Variants in SSH1 observed in about 807,000 individuals in gnomAD.
The protein encoded by SSH1 is slingshot protein phosphatase 1.
A neutral mutation model predicts 79.7 loss-of-function variants in SSH1; 43 were observed. That is an observed-to-expected ratio of 0.54 (90% confidence interval 0.42 to 0.70). SSH1 has a LOEUF of 0.70. Among genes scored for constraint, SSH1 ranks in the 30% least tolerant of loss-of-function variants. SSH1 has a pLI of 0.00. For synonymous variants in SSH1, 599 were observed against 538.3 expected (o/e 1.11, Z -1.56); for missense variants, 1,206 against 1,358.8 (o/e 0.89, Z 1.77).
At chr12:108,827,983 A>G (rs2038371368) in intron 2 of SSH1, among the ~76,000 whole-genome samples, 1 of 152,222 alleles carries the variant, frequency 6.6e-6, no homozygotes. Context: ...GTCAGGCTGC[A>G]AAGGTCCTAA....
Position 108,787,901 on chromosome 12 carries a change from A to ATG in SSH1, c.*85_*86dup. On this transcript the variant is annotated 3_prime_UTR_variant, in exon 15 of 15. Transcript: ENST00000326495. ...CTTCACTCGTTTAAGGGAAATCAAGATGTAAGGGGTCGATCCAAATCCACA... is the reference window on the plus strand; with the variant it reads ...CTTCACTCGTTTAAGGGAAATCAAGATGTGTAAGGGGTCGATCCAAATCCACA... 7 of 1,536,124 alleles carry ATG rather than the reference A, an allele frequency of 4.6e-6. No individual in the cohort carries two copies. The highest frequency in any genetic ancestry group is 6.3e-6 in the Non-Finnish European group (7 of 1,115,200).
At chr12:108,811,824 G>A (rs1200585303) in intron 5 of SSH1, among the ~76,000 whole-genome samples, 2 of 152,154 alleles carry the variant, frequency 1.3e-5, no homozygotes, top group Non-Finnish European at 2.9e-5. Context: ...AAATGAGACC[G>A]AATGACTGCA....
At chr12:108,840,858 T>C (rs527538498) in intron 2 of SSH1, among the ~76,000 whole-genome samples, 3 of 152,360 alleles carry the variant, frequency 2.0e-5, no homozygotes, top group East Asian at 1.9e-4. Context: ...TTCCTCTCAG[T>C]AGCCCGGCTG....
Position 108,823,301 on chromosome 12 carries a change from G to C in SSH1, c.171C>G (p.Ser57Arg). 1 of 1,590,110 alleles carries C rather than the reference G, an allele frequency of 6.3e-7. No homozygotes were observed. Among genetic ancestry groups the C allele is most frequent in the Non-Finnish European group, 8.6e-7 (1 of 1,167,208 alleles). Residue 57 changes from serine (S) to arginine (R), a missense_variant, in exon 3 of 15, where the codon AGC becomes AGG. Ser to Arg is a moderately radical substitution (Grantham distance 110). Transcript: ENST00000326495. ...GAALFLQQGSSPQGQRSLQHP... is the reference protein window; with the variant it reads ...GAALFLQQGSRPQGQRSLQHP... ...GCTGAAGACTCCGCTGGCCTTGAGG[G>C]CTGCTTCCCTGTTGTAAGAAGAGGG...
intron 5 of SSH1, among the ~76,000 whole-genome samples, chr12:108,816,474 C>A (rs1252259445): frequency 6.6e-6 from 1 of 152,220 alleles, no homozygotes; most frequent in Non-Finnish European, 1.5e-5. Context: ...TCATTTCACA[C>A]GCATCTTGGG....
chr12:108,811,980 A>G (rs2037630719), intron 5 of SSH1, among the ~76,000 whole-genome samples: 1 of 152,160 alleles, frequency 6.6e-6, no homozygotes, highest in Non-Finnish European at 1.5e-5. Flanking sequence ...GGACCTCAGG[A>G]ATCTCATGCT....
intron 4 of SSH1, 89 bp from the exon 5 acceptor site, chr12:108,817,248 T>TTGA: frequency 1.9e-6 from 3 of 1,574,480 alleles, no homozygotes; most frequent in Non-Finnish European, 2.6e-6. Context: ...ACTTTCAGTG[T>TTGA]TCTACCTTTC....
rs2036161940 is a variant in SSH1, at chr12:108,782,588, C to T, written c.*5400G>A. On this transcript the variant is annotated 3_prime_UTR_variant, in exon 15 of 15. Coordinates refer to ENST00000326495, the MANE Select transcript of SSH1 (RefSeq NM_018984.4). ...CAAAGAACTGAGCATGTAATAGATGCTCAATAAAGACTGGCCATGTCAATG... is the reference window on the plus strand; with the variant it reads ...CAAAGAACTGAGCATGTAATAGATGTTCAATAAAGACTGGCCATGTCAATG... 6.6e-6 allele frequency: 1 copy of T among 152,096 alleles called. No individual in the cohort carries two copies. The highest frequency in any genetic ancestry group is 2.1e-4 in the South Asian group (1 of 4,824). 9.4% of individuals were successfully genotyped at this position (152,096 alleles called of 1,614,324 possible).
intron 2 of SSH1, among the ~76,000 whole-genome samples, chr12:108,831,914 A>C (rs1418529428): frequency 3.9e-5 from 6 of 152,262 alleles, no homozygotes; most frequent in Admixed American, 6.5e-5. Context: ...CCTAAGAAAC[A>C]AACCTCATGC....
At chr12:108,847,984 G>A (rs2038936884) in intron 2 of SSH1, among the ~76,000 whole-genome samples, 1 of 152,224 alleles carries the variant, frequency 6.6e-6, no homozygotes, top group Non-Finnish European at 1.5e-5. Context: ...CTACAGCCAG[G>A]TGAAAAGGAA....
intron 5 of SSH1, among the ~76,000 whole-genome samples, 174 bp downstream of exon 5, chr12:108,816,864 G>A (rs1266933151): frequency 6.6e-6 from 1 of 152,104 alleles, no homozygotes; most frequent in African/African-American, 2.4e-5. Flanking sequence ...CACGGTGCCT[G>A]GCACAGAGAG....
chr12:108,841,225 G>A (rs2038769290), intron 2 of SSH1, among the ~76,000 whole-genome samples: 1 of 152,222 alleles, frequency 6.6e-6, no homozygotes, highest in Admixed American at 6.5e-5. Flanking sequence ...ATGAACGCTG[G>A]TAACACTGCT....
chr12:108,853,624 A>T (rs2039087830), intron 1 of SSH1, among the ~76,000 whole-genome samples: 3 of 152,126 alleles, frequency 2.0e-5, no homozygotes, highest in Admixed American at 2.0e-4. Context: ...GGCAACTTCA[A>T]CCAAGAATGA....
chr12:108,798,679 C>T (rs568633246), intron 13 of SSH1, among the ~76,000 whole-genome samples: 20 of 152,338 alleles, frequency 1.3e-4, no homozygotes, highest in African/African-American at 4.3e-4. Context: ...GCCCAGGAAG[C>T]GAGATGCGCA....
intron 2 of SSH1, among the ~76,000 whole-genome samples, chr12:108,848,659 G>T (rs141379271): frequency 4.6e-5 from 7 of 152,224 alleles, no homozygotes; most frequent in Non-Finnish European, 5.9e-5. Flanking sequence ...CTTGTGTAGC[G>T]AGGAAGGCTA....
intron 1 of SSH1, among the ~76,000 whole-genome samples, chr12:108,855,532 G>A (rs968075308): frequency 2.0e-5 from 3 of 152,196 alleles, no homozygotes; most frequent in Non-Finnish European, 4.4e-5. Context: ...AAATGCGTAA[G>A]ACAAGAACAG....
chr12:108,829,634 A>G (rs1000593626), intron 2 of SSH1, among the ~76,000 whole-genome samples: 5 of 152,332 alleles, frequency 3.3e-5, no homozygotes, highest in African/African-American at 1.2e-4. Context: ...AAGAACAAAA[A>G]TAGTAGGTAT....
At chr12:108,825,357 A>G (rs1416296988) in intron 2 of SSH1, among the ~76,000 whole-genome samples, 1 of 152,252 alleles carries the variant, frequency 6.6e-6, no homozygotes. Context: ...AAAACTCAGC[A>G]AAGTCTAAAG....
chr12:108,832,852 C>T (rs1408129819), intron 2 of SSH1, among the ~76,000 whole-genome samples: 1 of 152,172 alleles, frequency 6.6e-6, no homozygotes, highest in Admixed American at 6.5e-5. Flanking sequence ...TCAACCGGAG[C>T]TCCCAAATTG....
Sources: gnomAD v4.1 joint callset for allele counts (sites outside exome capture counted in the v4.1 genomes callset) on GRCh38, gnomAD v4.1.1 for gene constraint, MANE v1.5 for transcripts, NCBI Gene and HGNC (gene_info 2026-07-23, HGNC 2026-07-21) for gene names.